MAP3K4: variants seen among roughly 807,000 people sequenced by gnomAD.
MAP3K4 encodes the protein mitogen-activated protein kinase kinase kinase 4.
In MAP3K4, 67 loss-of-function variants were observed where a neutral mutation model predicts 185.6. The observed-to-expected ratio is 0.36, with a 90% confidence interval of 0.30 to 0.44. The LOEUF (loss-of-function observed/expected upper bound fraction) is 0.44. Ranked by LOEUF, MAP3K4 falls within the 20% of genes least tolerant of loss-of-function variation. The probability of loss-of-function intolerance (pLI) is 1.00; values close to 1 mark genes in which losing one functional copy is unlikely to be tolerated. For missense variants in MAP3K4, 1,551 were observed against 1,995.1 expected (o/e 0.78, Z 4.24); for synonymous variants, 702 against 710.4 (o/e 0.99, Z 0.19).
In MAP3K4 at chr6:161,115,483, G is replaced by A. The variant is rs1158862608; in HGVS notation, c.4806+181G>A. On this transcript the variant is annotated intron_variant, in intron 26 of 26. Transcript: ENST00000392142. The surrounding 1 kb of genome is among the most constrained non-coding windows in gnomAD (Gnocchi z 6.0). ...TTTCATTTGGAAAATGTTCATTGAG[G>A]TTCTTCCACTTGATCTGTTTTGATG... Among the ~76,000 whole-genome samples, 1 of 152,158 alleles carries A rather than the reference G, an allele frequency of 6.6e-6. No homozygotes were observed. The highest frequency in any genetic ancestry group is 1.9e-4 in the East Asian group (1 of 5,200).
At position 161,022,534 on chromosome 6, in the gene MAP3K4, C is replaced by G. The variant is rs144311478; in HGVS notation, c.153-11725C>G. On this transcript the variant is annotated intron_variant, in intron 1 of 26. Coordinates refer to ENST00000392142, the MANE Select transcript of MAP3K4 (RefSeq NM_005922.4). The surrounding 1 kb of genome is among the most constrained non-coding windows in gnomAD (Gnocchi z 4.2). Reference sequence around the variant, plus strand: ...CCTGGTCTCTCTCTCATGCTATGCTCTCTCTCCACCTGGAGGGACTTTGTC... The same window carrying G: ...CCTGGTCTCTCTCTCATGCTATGCTGTCTCTCCACCTGGAGGGACTTTGTC... Among the ~76,000 whole-genome samples, 12 of 152,318 alleles carry G rather than the reference C, an allele frequency of 7.9e-5. No homozygotes were observed. The East Asian group carries it at 2.1e-3, about 27-fold the overall frequency.
intron 15 of MAP3K4, among the ~76,000 whole-genome samples, chr6:161,094,640 A>C (rs1010080601): frequency 6.6e-6 from 1 of 152,250 alleles, no homozygotes; most frequent in African/African-American, 2.4e-5. Context: ...ATTGAACACT[A>C]ACTGTATTTC....
chr6:161,065,654 G>C (rs1002686966), intron 3 of MAP3K4, among the ~76,000 whole-genome samples: 5 of 152,120 alleles, frequency 3.3e-5, no homozygotes, highest in African/African-American at 1.2e-4. Context: ...TAGAATATTT[G>C]TGGGCTGGGC....
chr6:161,064,828 G>A lies in MAP3K4; in HGVS notation c.1708-5780G>A, dbSNP rs542719072. On this transcript the variant is annotated intron_variant, in intron 3 of 26. Transcript: ENST00000392142. This position sits in a 1 kb window ranked among gnomAD's most constrained non-coding sequence, Gnocchi z 4.3. Reference sequence around the variant, plus strand: ...TACTTGCAGGTTCTGGAGGGTACACGGCACGCCTACAGGCCGCTCATGCAG... The same window carrying A: ...TACTTGCAGGTTCTGGAGGGTACACAGCACGCCTACAGGCCGCTCATGCAG... Among the ~76,000 whole-genome samples, 16 of 152,284 alleles carry A rather than the reference G, an allele frequency of 1.1e-4. No individual in the cohort carries two copies. In the South Asian group the frequency reaches 1.9e-3, roughly 18 times the overall value.
In MAP3K4 at chr6:161,098,380, T is replaced by C. The variant is rs779408124; in HGVS notation, c.3627T>C (p.Gly1209=). 6.2e-7 allele frequency: 1 copy of C among 1,613,926 alleles called. No homozygotes were observed. Among genetic ancestry groups the C allele is most frequent in the Non-Finnish European group, 8.5e-7 (1 of 1,180,020 alleles). The stretch of plus-strand genomic sequence containing the variant: ...CTGCCAGTCGGCCCAGCCCCTCTGG[T>C]GGTGACTCTGTGCTGCCCAAATCCA... The part of the protein sequence containing the change: ...AVAASRPSPS[G]GDSVLPKSIS... The change falls in exon 17 of 27, where the codon GGT becomes GGC. Residue 1209 remains glycine (G), a synonymous_variant. Transcript: ENST00000392142. This position sits in a 1 kb window ranked among gnomAD's most constrained non-coding sequence, Gnocchi z 4.4.
chr6:161,061,710 G>C lies in MAP3K4; in HGVS notation c.1708-8898G>C, dbSNP rs1274282053. 6.6e-6 allele frequency among the ~76,000 whole-genome samples: 1 copy of C among 152,132 alleles called. No individual in the cohort carries two copies. The highest frequency in any genetic ancestry group is 1.5e-5 in the Non-Finnish European group (1 of 68,034). ...CTAGCCATATAAATGTGGTCATATG[G>C]TATGTGGTCTTTTGAGACTGGCTTC... is the stretch of plus-strand genomic sequence containing the variant. On this transcript the variant is annotated intron_variant, in intron 3 of 26. Coordinates refer to ENST00000392142, the MANE Select transcript of MAP3K4 (RefSeq NM_005922.4). This position sits in a 1 kb window ranked among gnomAD's most constrained non-coding sequence, Gnocchi z 4.2.
At chr6:161,047,656 G>A (rs1384851834) in intron 2 of MAP3K4, among the ~76,000 whole-genome samples, 1 of 152,136 alleles carries the variant, frequency 6.6e-6, no homozygotes, top group Non-Finnish European at 1.5e-5. Flanking sequence ...TTAGCACTTG[G>A]AGAAACATTA....
chr6:161,066,613 G>C (rs763682632), intron 3 of MAP3K4, among the ~76,000 whole-genome samples: 2 of 152,052 alleles, frequency 1.3e-5, no homozygotes, highest in African/African-American at 4.8e-5. Context: ...CATTAAATCG[G>C]TATTAATTGA....
Position 161,073,288 on chromosome 6 carries a change from A to G in MAP3K4, c.1951-178A>G, listed in dbSNP as rs1785028500. 2.2e-6 allele frequency: 1 copy of G among 461,110 alleles called. No homozygotes were observed. The highest frequency in any genetic ancestry group is 3.7e-6 in the Non-Finnish European group (1 of 268,304). 28.6% of individuals were successfully genotyped at this position (461,110 alleles called of 1,614,324 possible). ...ATTTTCACTGTTTTGTTGCTTCTCAATTGAGACTACTAAGGTATTTACATA... is the reference window on the plus strand; with the variant it reads ...ATTTTCACTGTTTTGTTGCTTCTCAGTTGAGACTACTAAGGTATTTACATA... On this transcript the variant is annotated intron_variant, in intron 4 of 26. Coordinates refer to ENST00000392142, the MANE Select transcript of MAP3K4 (RefSeq NM_005922.4). The surrounding 1 kb of genome is among the most constrained non-coding windows in gnomAD (Gnocchi z 4.2).
In MAP3K4 at chr6:161,106,129, C is replaced by T. The variant is rs1326564894; in HGVS notation, c.3857-385C>T. On this transcript the variant is annotated intron_variant, in intron 19 of 26. Transcript: ENST00000392142. This position sits in a 1 kb window ranked among gnomAD's most constrained non-coding sequence, Gnocchi z 4.9. ...GGGATTACAAGAATGAGTCACTGCT[C>T]CAGGCCTCGTGAATTAAATTTATGT... 6.6e-6 allele frequency among the ~76,000 whole-genome samples: 1 copy of T among 152,070 alleles called. No homozygotes were observed. Among genetic ancestry groups the T allele is most frequent in the Non-Finnish European group, 1.5e-5 (1 of 68,018 alleles).
rs1290474994 is a variant in MAP3K4 at position 161,107,561 on chromosome 6, C to T, written c.4049-338C>T. On this transcript the variant is annotated intron_variant, in intron 20 of 26. Transcript: ENST00000392142. This position sits in a 1 kb window ranked among gnomAD's most constrained non-coding sequence, Gnocchi z 6.2. The stretch of plus-strand genomic sequence containing the variant: ...TGGCTGTTTTCTGCTGCTCCCAGCC[C>T]CAGCCAAGATCTCCTTGAGGGGTGT... Among the ~76,000 whole-genome samples, 1 of 152,120 alleles carries T rather than the reference C, an allele frequency of 6.6e-6. No homozygotes were observed. The highest frequency in any genetic ancestry group is 1.5e-5 in the Non-Finnish European group (1 of 68,026).
At chr6:161,058,960 T>C (rs769057233) in intron 3 of MAP3K4, among the ~76,000 whole-genome samples, 22 of 152,194 alleles carry the variant, frequency 1.4e-4, no homozygotes, top group Non-Finnish European at 2.8e-4. Context: ...GTAAGAATGC[T>C]TAATTGAAAT....
rs1441809855 is a variant in MAP3K4, at chr6:160,996,432, G to T, written c.152+4349G>T. On this transcript the variant is annotated intron_variant, in intron 1 of 26. Coordinates refer to ENST00000392142, the MANE Select transcript of MAP3K4 (RefSeq NM_005922.4). This position sits in a 1 kb window ranked among gnomAD's most constrained non-coding sequence, Gnocchi z 4.5. ...GTTCTGAGCTCTGCTGAAATACGGG[G>T]ATATAAAGGTCTTGCCTGCTCACTG... 6.6e-6 allele frequency among the ~76,000 whole-genome samples: 1 copy of T among 152,094 alleles called. No homozygotes were observed. The highest frequency in any genetic ancestry group is 1.5e-5 in the Non-Finnish European group (1 of 68,032).
At chr6:161,105,417 G>C (rs1295967023) in intron 19 of MAP3K4, among the ~76,000 whole-genome samples, 1 of 152,140 alleles carries the variant, frequency 6.6e-6, no homozygotes, top group South Asian at 2.1e-4. Flanking sequence ...TTACAGATTA[G>C]GTTTTTAATG....
Position 161,070,582 on chromosome 6 carries a change from C to A in MAP3K4, c.1708-26C>A. The stretch of plus-strand genomic sequence containing the variant: ...ACGTTGTCTCGTATGCTCTTTTAAT[C>A]TGTGCCTGTTGAATTTTTGTTATAG... On this transcript the variant is annotated intron_variant, in intron 3 of 26. Transcript: ENST00000392142. This position sits in a 1 kb window ranked among gnomAD's most constrained non-coding sequence, Gnocchi z 4.5. 6.2e-7 allele frequency: 1 copy of A among 1,607,752 alleles called. No homozygotes were observed. The highest frequency in any genetic ancestry group is 8.5e-7 in the Non-Finnish European group (1 of 1,177,096).
rs11751843 is a variant in MAP3K4, at chr6:161,091,003, G to T, written c.2974-376G>T. The stretch of plus-strand genomic sequence containing the variant: ...AGTAGCAGGGAAATGAGGACAGCAC[G>T]ATCGGAGGAGGTCATCTAGAAGTAC... On this transcript the variant is annotated intron_variant, in intron 11 of 26. Transcript: ENST00000392142. This position sits in a 1 kb window ranked among gnomAD's most constrained non-coding sequence, Gnocchi z 5.5. Among the ~76,000 whole-genome samples, 1 of 152,178 alleles carries T rather than the reference G, an allele frequency of 6.6e-6. No individual in the cohort carries two copies. Among genetic ancestry groups the T allele is most frequent in the Non-Finnish European group, 1.5e-5 (1 of 68,028 alleles).
chr6:161,085,826 C>G (rs973970266), intron 7 of MAP3K4, among the ~76,000 whole-genome samples: 5 of 152,130 alleles, frequency 3.3e-5, no homozygotes, highest in Non-Finnish European at 7.4e-5. Flanking sequence ...TTCAGGGGGC[C>G]ATGGGCAGTG....
Position 161,049,392 on chromosome 6 carries a change from C to T in MAP3K4, c.1120C>T (p.Leu374Phe). 1.2e-6 allele frequency: 2 copies of T among 1,614,144 alleles called. No individual in the cohort carries two copies. Among genetic ancestry groups the T allele is most frequent in the African/African-American group, 1.3e-5 (1 of 75,036 alleles). The change falls in exon 3 of 27, where the codon CTT becomes TTT. Residue 374 changes from leucine (L) to phenylalanine (F), a missense_variant. Leu to Phe is a conservative substitution (Grantham distance 22). Around this residue, in one of 16 missense-constraint regions of MAP3K4, gnomAD observed 93 missense variants for 96.7 expected, o/e 0.96. Coordinates refer to ENST00000392142, the MANE Select transcript of MAP3K4 (RefSeq NM_005922.4). The surrounding 1 kb of genome is among the most constrained non-coding windows in gnomAD (Gnocchi z 8.4). ...AGCACTTTATCCATCATTGCAGGCTCTTCAGAAGGACTATGAAAAATATGC... is the reference window on the plus strand; with the variant it reads ...AGCACTTTATCCATCATTGCAGGCTTTTCAGAAGGACTATGAAAAATATGC... Reference protein sequence around the residue: ...IEALYPSLQALQKDYEKYAAK... With the variant: ...IEALYPSLQAFQKDYEKYAAK...
At position 161,077,374 on chromosome 6, in the gene MAP3K4, T is replaced by C. The variant is rs1012012978; in HGVS notation, c.2098-3507T>C. ...ATGACAAAATACTAACATTTGTTTA[T>C]TCTGGGTGATACTTGTAGAATACTT... On this transcript the variant is annotated intron_variant, in intron 5 of 26. Coordinates refer to ENST00000392142, the MANE Select transcript of MAP3K4 (RefSeq NM_005922.4). The surrounding 1 kb of genome is among the most constrained non-coding windows in gnomAD (Gnocchi z 4.3). Among the ~76,000 whole-genome samples, 1 of 152,242 alleles carries C rather than the reference T, an allele frequency of 6.6e-6. No individual in the cohort carries two copies. Among genetic ancestry groups the C allele is most frequent in the Non-Finnish European group, 1.5e-5 (1 of 68,048 alleles).
Sources: gnomAD v4.1 joint callset for allele counts (sites outside exome capture counted in the v4.1 genomes callset) on GRCh38, gnomAD v4.1.1 for gene constraint, gnomAD v4.1.1 regional missense constraint, Gnocchi (gnomAD v3.1) non-coding constraint, MANE v1.5 for transcripts, NCBI Gene and HGNC (gene_info 2026-07-23, HGNC 2026-07-21) for gene names.